Variants in ME1 observed in about 807,000 individuals in gnomAD.
ME1 encodes malic enzyme 1.
Under a neutral mutation model 66.4 loss-of-function variants are expected in ME1, and 74 were observed. The observed-to-expected ratio is 1.11, with a 90% CI of 0.92 to 1.35. The LOEUF is 1.35. Ranked by LOEUF, ME1 falls within the 40% of genes most tolerant of loss-of-function variation. The probability of loss-of-function intolerance (pLI) is 0.00; values close to 1 mark genes in which losing one functional copy is unlikely to be tolerated. For missense variants in ME1, 750 were observed against 694.1 expected, an observed-to-expected ratio of 1.08 and a Z score of -0.90; for synonymous variants, 251 against 235.6, an observed-to-expected ratio of 1.07 and a Z score of -0.60.
At chr6:83,423,851 A>G (rs1466584512) in intron 1 of ME1, among the ~76,000 whole-genome samples, 1 of 152,114 alleles carries the variant, frequency 6.6e-6, no homozygotes, top group African/African-American at 2.4e-5. Context: ...GGCCACACCT[A>G]TAATACCAGC....
chr6:83,237,860 T>C, intron 8 of ME1, 30 bp from the exon 9 acceptor site: 1 of 1,228,524 alleles, frequency 8.1e-7, no homozygotes, highest in East Asian at 2.4e-5. Flanking sequence ...AATTTTAAAG[T>C]TGTTCTACAT....
intron 13 of ME1, among the ~76,000 whole-genome samples, chr6:83,215,393 A>G (rs1789970580): frequency 6.6e-6 from 1 of 152,194 alleles, no homozygotes; most frequent in South Asian, 2.1e-4. Context: ...GGACAGCCGC[A>G]TGATGGTTAT....
chr6:83,380,428 T>C (rs1018696159), intron 3 of ME1, among the ~76,000 whole-genome samples: 2 of 152,048 alleles, frequency 1.3e-5, no homozygotes, highest in East Asian at 1.9e-4. Flanking sequence ...GAAAATCCAC[T>C]CCCTTTTGAC....
chr6:83,273,329 T>C (rs1767119199), intron 6 of ME1, among the ~76,000 whole-genome samples: 1 of 152,142 alleles, frequency 6.6e-6, no homozygotes. Context: ...AGATAAACAA[T>C]TGACTAAAAA....
At chr6:83,227,176 G>GA (rs1790212381) in intron 11 of ME1, among the ~76,000 whole-genome samples, 159 bp downstream of exon 11, 1 of 152,090 alleles carries the variant, frequency 6.6e-6, no homozygotes, top group South Asian at 2.1e-4. Context: ...CAACATTCTA[G>GA]AAAAGGAAAT....
In ME1 at chr6:83,227,384, G is replaced by A; in HGVS notation, c.1226C>T (p.Pro409Leu). 2 of 1,604,700 alleles carry A rather than the reference G, an allele frequency of 1.2e-6. No homozygotes were observed. The highest frequency in any genetic ancestry group is 1.1e-5 in the South Asian group (1 of 89,698). ...TGCAGAACATTCTGCTTTGCTAGTT[G>A]GATTACTCAAAGCAAAAATAATAGG... Reference protein sequence around the residue: ...ERPIIFALSNPTSKAECSAEQ... With the variant: ...ERPIIFALSNLTSKAECSAEQ... The change falls in exon 11 of 14, where the codon CCA (proline) becomes CTA (leucine). Residue 409 changes from proline (P) to leucine (L), a missense_variant. Transcript: ENST00000369705.
intron 6 of ME1, among the ~76,000 whole-genome samples, chr6:83,281,806 CAAAAAAAAAAA>C (rs140157932): frequency 5.3e-4 from 7 of 13,284 alleles, no homozygotes; most frequent in African/African-American, 1.6e-3. Context: ...ACTCTGTCTC[CAAAAAAAAAAA>C]AAAAAAAAAA....
rs1342981859 is a variant in ME1 at position 83,366,214 on chromosome 6, A to G, written c.363-14075T>C. ...TGAGTGATGTTTTAAGGATTCATTTAGGCATCTGTCCAATACCTCCAGCTC... is the reference window on the plus strand; with the variant it reads ...TGAGTGATGTTTTAAGGATTCATTTGGGCATCTGTCCAATACCTCCAGCTC... On this transcript the variant is annotated intron_variant, in intron 3 of 13. Coordinates refer to ENST00000369705, the MANE Select transcript of ME1 (RefSeq NM_002395.6). 2.0e-5 allele frequency among the ~76,000 whole-genome samples: 3 copies of G among 152,138 alleles called. No individual in the cohort carries two copies. The East Asian group carries it at 5.8e-4, about 29-fold the overall frequency.
intron 6 of ME1, among the ~76,000 whole-genome samples, chr6:83,313,079 C>CT (rs1473254404): frequency 6.6e-6 from 1 of 152,136 alleles, no homozygotes; most frequent in African/African-American, 2.4e-5. Flanking sequence ...TTAATAAACT[C>CT]TATCTCAGAG....
At chr6:83,393,010 TC>T in intron 3 of ME1, 1 of 1,071,514 alleles carries the variant, frequency 9.3e-7, no homozygotes. Context: ...CATGGGGCTC[TC>T]CAGAACATCC....
chr6:83,301,647 A>G (rs1767722966), intron 6 of ME1, among the ~76,000 whole-genome samples: 1 of 152,106 alleles, frequency 6.6e-6, no homozygotes, highest in Non-Finnish European at 1.5e-5. Context: ...TCAGCCAACA[A>G]ATATTTTTCA....
intron 6 of ME1, among the ~76,000 whole-genome samples, chr6:83,296,155 ATTCT>A (rs1466558568): frequency 1.3e-5 from 2 of 152,172 alleles, no homozygotes; most frequent in Non-Finnish European, 2.9e-5. Context: ...TCTTCTCCTC[ATTCT>A]ATGATGCCAG....
At chr6:83,419,381 A>G (rs1298657583) in intron 1 of ME1, among the ~76,000 whole-genome samples, 3 of 152,226 alleles carry the variant, frequency 2.0e-5, no homozygotes, top group Non-Finnish European at 4.4e-5. Flanking sequence ...CGGTGTCTCT[A>G]TAAAATTCAC....
intron 3 of ME1, among the ~76,000 whole-genome samples, chr6:83,384,673 C>T (rs1229035898): frequency 5.9e-5 from 9 of 151,626 alleles, no homozygotes; most frequent in African/African-American, 2.2e-4. Context: ...GTTTTTGTTG[C>T]AGTTGCTTTT....
intron 13 of ME1, among the ~76,000 whole-genome samples, chr6:83,213,057 G>C (rs1241808291): frequency 7.0e-6 from 1 of 143,340 alleles, no homozygotes; most frequent in African/African-American, 2.7e-5. Context: ...TTTTGAGATG[G>C]AGTCTTACTC....
chr6:83,339,991 A>AAAAAAAAAAG (rs1562484783), intron 5 of ME1, among the ~76,000 whole-genome samples: 1 of 147,942 alleles, frequency 6.8e-6, no homozygotes, highest in Admixed American at 6.8e-5. Flanking sequence ...AGAAAAGAAA[A>AAAAAAAAAAG]GAAATGTGAA....
chr6:83,227,530 C>G (rs536746906), intron 10 of ME1, 53 bp from the exon 11 acceptor site: 1 of 1,418,882 alleles, frequency 7.0e-7, no homozygotes. Context: ...TTAATTCACA[C>G]AAGAAGACCA....
chr6:83,393,355 G>C lies in ME1; in HGVS notation c.362+5012C>G, dbSNP rs537012833. On this transcript the variant is annotated intron_variant, in intron 3 of 13. Coordinates refer to ENST00000369705, the MANE Select transcript of ME1 (RefSeq NM_002395.6). Reference sequence around the variant, plus strand: ...CATTTCCTGGTATGACAATGAATTTGGCTGCAGCAACAGGGTGGTGGACCT... The same window carrying C: ...CATTTCCTGGTATGACAATGAATTTCGCTGCAGCAACAGGGTGGTGGACCT... 38 of 1,006,830 alleles carry C rather than the reference G, an allele frequency of 3.8e-5. No individual in the cohort carries two copies. In the African/African-American group the frequency reaches 4.6e-4, roughly 12 times the overall value. The allele number at this position is 1,006,830 out of a possible 1,614,324, so 62.4% of individuals were successfully genotyped here.
intron 1 of ME1, among the ~76,000 whole-genome samples, chr6:83,417,430 G>A (rs1770183681): frequency 6.6e-6 from 1 of 152,030 alleles, no homozygotes; most frequent in African/African-American, 2.4e-5. Flanking sequence ...GCCCAGGCTA[G>A]AGTGAAGTGG....
Sources: gnomAD v4.1 joint callset for allele counts (sites outside exome capture counted in the v4.1 genomes callset) on GRCh38, gnomAD v4.1.1 for gene constraint, MANE v1.5 for transcripts, NCBI Gene and HGNC (gene_info 2026-07-23, HGNC 2026-07-21) for gene names.